Variants in NTNG2 observed in about 807,000 individuals in gnomAD.
NTNG2 encodes the protein netrin-G2.
In NTNG2, 15 loss-of-function variants were observed where a neutral mutation model predicts 47.6. The observed-to-expected ratio is 0.32, with a 90% CI of 0.21 to 0.49. The LOEUF (loss-of-function observed/expected upper bound fraction) is 0.49, where lower values mean the gene tolerates loss of function less well. Among genes scored for constraint, NTNG2 ranks in the 20% least tolerant of loss-of-function variants. The pLI is 0.99. For synonymous variants in NTNG2, 307 were observed against 324.6 expected, an observed-to-expected ratio of 0.95 and a Z score of 0.58; for missense variants, 578 against 764.6, an observed-to-expected ratio of 0.76 and a Z score of 2.88.
chr9:132,195,286 G>T (rs1239371681), intron 2 of NTNG2, among the ~76,000 whole-genome samples: 1 of 151,866 alleles, frequency 6.6e-6, no homozygotes, highest in African/African-American at 2.4e-5. Flanking sequence ...GGTTTTGGGG[G>T]ATTTCTCTTT....
intron 2 of NTNG2, among the ~76,000 whole-genome samples, chr9:132,187,277 TTGGAGC>T (rs1245745673): frequency 6.6e-6 from 1 of 152,222 alleles, no homozygotes; most frequent in Non-Finnish European, 1.5e-5. Flanking sequence ...GAGTAATTGC[TTGGAGC>T]TGGGAGGAAA....
chr9:132,213,186 G>A (rs1839724871), intron 3 of NTNG2, among the ~76,000 whole-genome samples: 3 of 152,112 alleles, frequency 2.0e-5, no homozygotes, highest in African/African-American at 7.2e-5. Context: ...GCCAAGCATA[G>A]TGGTGCATGC....
chr9:132,238,848 G>C (rs779597491), intron 5 of NTNG2: 35 of 565,932 alleles, frequency 6.2e-5, no homozygotes, highest in Non-Finnish European at 9.8e-5. Context: ...GGCCCTCCCT[G>C]GTTCCCTGCC....
At chr9:132,176,983 TTTTG>T (rs1027105941) in intron 2 of NTNG2, among the ~76,000 whole-genome samples, 1 of 152,214 alleles carries the variant, frequency 6.6e-6, no homozygotes, top group African/African-American at 2.4e-5. Flanking sequence ...ATTTTTTTGT[TTTTG>T]TTTTTGTTGT....
Position 132,236,294 on chromosome 9 carries a change from G to A in NTNG2, c.1055-2810G>A, listed in dbSNP as rs1364138914. On this transcript the variant is annotated intron_variant, in intron 5 of 7. Transcript: ENST00000393229. The surrounding 1 kb of genome is among the most constrained non-coding windows in gnomAD (Gnocchi z 4.3). ...AGTGGAAAATGTGTGGGTTAAAGGA[G>A]GGAGGGCGGGGTCCTGGAAGACACT... 6.6e-6 allele frequency among the ~76,000 whole-genome samples: 1 copy of A among 152,226 alleles called. No individual in the cohort carries two copies. The highest frequency in any genetic ancestry group is 6.5e-5 in the Admixed American group (1 of 15,286).
chr9:132,205,593 T>C (rs1839108366), intron 3 of NTNG2, among the ~76,000 whole-genome samples: 1 of 152,060 alleles, frequency 6.6e-6, no homozygotes, highest in South Asian at 2.1e-4. Context: ...TTAACAATGG[T>C]AAGGTGGCTG....
intron 2 of NTNG2, among the ~76,000 whole-genome samples, chr9:132,194,293 A>G (rs1174841481): frequency 6.6e-6 from 1 of 152,166 alleles, no homozygotes; most frequent in Non-Finnish European, 1.5e-5. Flanking sequence ...CGGCACAGAC[A>G]GAGCCCATTC....
intron 2 of NTNG2, among the ~76,000 whole-genome samples, chr9:132,185,994 A>T (rs1837352308): frequency 6.6e-6 from 1 of 152,164 alleles, no homozygotes; most frequent in African/African-American, 2.4e-5. Flanking sequence ...AGGAGGGCTT[A>T]GCCTCACCCG....
chr9:132,167,291 A>C (rs912960202), intron 2 of NTNG2, among the ~76,000 whole-genome samples: 1 of 152,252 alleles, frequency 6.6e-6, no homozygotes, highest in African/African-American at 2.4e-5. Context: ...ATTCTCGGCC[A>C]GCTGGCCACT....
intron 3 of NTNG2, among the ~76,000 whole-genome samples, chr9:132,207,430 C>T (rs543136905): frequency 3.3e-4 from 50 of 152,350 alleles, no homozygotes; most frequent in African/African-American, 1.2e-3. Context: ...TCACTCCAGT[C>T]TCTGCCTTGT....
rs1362199828 is a variant in NTNG2 at position 132,166,984 on chromosome 9, G to A, written c.153G>A (p.Lys51=). 3 of 1,614,158 alleles carry A rather than the reference G, an allele frequency of 1.9e-6. No homozygotes were observed. Among genetic ancestry groups the A allele is most frequent in the East Asian group, 2.2e-5 (1 of 44,898 alleles). ...TGATGCGCCTGAAGGACTACGTCAA[G>A]GTGAAGGTGGAGCCCTCAGGCATCA... ...PKVMRLKDYV[K]VKVEPSGITC... is the part of the protein sequence containing the mutation. The change falls in exon 2 of 8, where the codon AAG becomes AAA. Residue 51 remains lysine, a synonymous_variant. Coordinates refer to ENST00000393229, the MANE Select transcript of NTNG2 (RefSeq NM_032536.4).
At chr9:132,240,770 G>T (rs908773967) in intron 6 of NTNG2, 140 bp from the exon 7 acceptor site, 6 of 1,307,416 alleles carry the variant, frequency 4.6e-6, no homozygotes, top group African/African-American at 1.5e-5. Context: ...CCGTCCAGCC[G>T]CGGGCTCACG....
chr9:132,207,113 C>T (rs1477591421), intron 3 of NTNG2, among the ~76,000 whole-genome samples: 1 of 152,260 alleles, frequency 6.6e-6, no homozygotes, highest in Non-Finnish European at 1.5e-5. Flanking sequence ...TCGGGGTTCC[C>T]TCTTCTCTTG....
intron 5 of NTNG2, chr9:132,232,362 T>G (rs1288295115): frequency 6.5e-6 from 1 of 152,742 alleles, no homozygotes; most frequent in Admixed American, 6.5e-5. Context: ...TTGGACACCG[T>G]GGGCTGCTGG....
At chr9:132,185,878 GAGGAGGAGGAGGAGGGAA>G (rs1837335619) in intron 2 of NTNG2, among the ~76,000 whole-genome samples, 4 of 129,366 alleles carry the variant, frequency 3.1e-5, no homozygotes, top group Non-Finnish European at 4.8e-5. Flanking sequence ...GGAGGAGTGG[GAGGAGGAGGAGGAGGGAA>G]AGGAGGAGGA....
At chr9:132,164,768 C>T (rs975553025) in intron 1 of NTNG2, among the ~76,000 whole-genome samples, 1 of 152,242 alleles carries the variant, frequency 6.6e-6, no homozygotes, top group Non-Finnish European at 1.5e-5. Context: ...TCGTTCATCT[C>T]CATCAGCAGT....
intron 2 of NTNG2, among the ~76,000 whole-genome samples, chr9:132,170,102 C>T (rs576308228): frequency 6.6e-4 from 100 of 152,286 alleles, no homozygotes; most frequent in African/African-American, 2.3e-3. Context: ...ATCCAGCCCA[C>T]GGGAGCGCAA....
In NTNG2 at chr9:132,197,871, C is replaced by T. The variant is rs1276803299; in HGVS notation, c.214-95C>T. 23 of 1,238,472 alleles carry T rather than the reference C, an allele frequency of 1.9e-5. No homozygotes were observed. Among genetic ancestry groups the T allele is most frequent in the Non-Finnish European group, 2.4e-5 (22 of 902,236 alleles). The allele number at this position is 1,238,472 out of a possible 1,614,324, so 76.7% of individuals were successfully genotyped here. ...GGCCCTGTAGCCACAGAGCAGGTTT[C>T]TCGGTTCGCAGGCAGGGGCTAGGCC... On this transcript the variant is annotated intron_variant, in intron 2 of 7. Coordinates refer to ENST00000393229, the MANE Select transcript of NTNG2 (RefSeq NM_032536.4). The surrounding 1 kb of genome is among the most constrained non-coding windows in gnomAD (Gnocchi z 4.3).
chr9:132,175,468 C>A (rs1392053306), intron 2 of NTNG2, among the ~76,000 whole-genome samples: 1 of 152,192 alleles, frequency 6.6e-6, no homozygotes, highest in Non-Finnish European at 1.5e-5. Context: ...TGAGCCATGG[C>A]CCCTGACCGG....
Sources: gnomAD v4.1 joint callset for allele counts (sites outside exome capture counted in the v4.1 genomes callset) on GRCh38, gnomAD v4.1.1 for gene constraint, Gnocchi (gnomAD v3.1) non-coding constraint, MANE v1.5 for transcripts, NCBI Gene and HGNC (gene_info 2026-07-23, HGNC 2026-07-21) for gene names.